DRICH1: variants seen among roughly 807,000 people sequenced by gnomAD.
DRICH1 encodes aspartate-rich protein 1.
In DRICH1, 38 loss-of-function variants were observed where a neutral mutation model predicts 39.5. The ratio of observed to expected loss-of-function variants is 0.96; its 90% confidence interval spans 0.74 to 1.26. The LOEUF is 1.26. DRICH1 is among the 50% of genes most tolerant of loss of function. The pLI, the probability that DRICH1 is intolerant of heterozygous loss-of-function variation, is 0.00. For missense variants in DRICH1, 279 were observed against 270.4 expected (o/e 1.03, Z -0.22); for synonymous variants, 84 against 99.5 (o/e 0.84, Z 0.93).
chr22:23,586,488 CAAAAG>C, the DRICH1 span, among the ~76,000 whole-genome samples: 2 of 152,146 alleles, frequency 1.3e-5, no homozygotes, highest in African/African-American at 4.8e-5. Flanking sequence ...GACCCTGTTT[CAAAAG>C]AAAACCAAAA....
At chr22:23,583,944 C>T in the DRICH1 span, 3 of 152,552 alleles carry the variant, frequency 2.0e-5, no homozygotes, top group Non-Finnish European at 2.9e-5. Flanking sequence ...CCCCAGGTCT[C>T]GGGAGAGGAA....
chr22:23,626,143 C>A (rs754581287), intron 1 of DRICH1, 95 bp from the exon 2 acceptor site: 2 of 829,318 alleles, frequency 2.4e-6, no homozygotes, highest in Non-Finnish European at 4.1e-6. Context: ...GAGCGTGGGA[C>A]TGAAGGTTCG....
At chr22:23,609,564 C>T (rs1326646605) in intron 11 of DRICH1, among the ~76,000 whole-genome samples, 3 of 152,114 alleles carry the variant, frequency 2.0e-5, no homozygotes, top group Non-Finnish European at 4.4e-5. Flanking sequence ...ACCAGGGGTA[C>T]ACCTGTTTGT....
chr22:23,632,132 C>T lies in DRICH1; in HGVS notation c.-109G>A. The T allele has an allele frequency of 6.6e-7, 1 of 1,520,640 alleles. No homozygotes were observed. The highest frequency in any genetic ancestry group is 8.8e-7 in the Non-Finnish European group (1 of 1,130,690). 94.2% of individuals were successfully genotyped at this position (1,520,640 alleles called of 1,614,324 possible). On this transcript the variant is annotated 5_prime_UTR_variant, in exon 1 of 12. Coordinates refer to ENST00000317749, the MANE Select transcript of DRICH1 (RefSeq NM_016449.4). ...GTGGCCCTGCACTTTTAGAAGCAGC[C>T]TGACCCCAGGCAGATCTGGGTCCTC...
At chr22:23,620,141 C>T (rs75939421) in intron 5 of DRICH1, among the ~76,000 whole-genome samples, 9,401 of 152,210 alleles carry the variant, frequency 0.062, 393 homozygotes, top group Non-Finnish European at 0.092. Flanking sequence ...ACATTAAACT[C>T]TGAAAAGAAC....
chr22:23,618,271 G>A (rs1206570661), intron 6 of DRICH1, among the ~76,000 whole-genome samples: 3 of 151,560 alleles, frequency 2.0e-5, no homozygotes, highest in Non-Finnish European at 4.4e-5. Context: ...CCACCACCAC[G>A]TCTGGCTAAT....
rs764210732 is a variant in DRICH1 at position 23,626,017 on chromosome 22, A to T, written c.240T>A (p.Phe80Leu). The T allele has an allele frequency of 6.2e-7, 1 of 1,613,570 alleles. No individual in the cohort carries two copies. Among genetic ancestry groups the T allele is most frequent in the South Asian group, 1.1e-5 (1 of 90,900 alleles). ...CATTGTCTTCCTCACTTGATGGCAG[A>T]AATTTTAAACTCAGGCGGTCCTCAG... ...GPPEDRLSLKFLPSSEEDNDD... is the reference protein window; with the variant it reads ...GPPEDRLSLKLLPSSEEDNDD... Residue 80 changes from phenylalanine to leucine, a missense_variant, in exon 2 of 12, where the codon TTT (phenylalanine) becomes TTA (leucine). Phe to Leu is a conservative substitution (Grantham distance 22, BLOSUM62 0). Transcript: ENST00000317749.
the DRICH1 span, among the ~76,000 whole-genome samples, chr22:23,602,753 A>G: frequency 2.6e-5 from 4 of 152,132 alleles, no homozygotes; most frequent in African/African-American, 9.7e-5. Flanking sequence ...TGATAGTTAC[A>G]TGAGTCAATG....
chr22:23,620,711 A>G, intron 4 of DRICH1, 96 bp from the exon 5 acceptor site: 1 of 1,429,126 alleles, frequency 7.0e-7, no homozygotes, highest in African/African-American at 1.4e-5. Flanking sequence ...TCAGAAAACT[A>G]GTTGTGAAAC....
chr22:23,614,882 C>T (rs1450770731), intron 8 of DRICH1, among the ~76,000 whole-genome samples: 1 of 152,184 alleles, frequency 6.6e-6, no homozygotes, highest in Non-Finnish European at 1.5e-5. Context: ...ACAGGCCAAG[C>T]CCACAGAGCC....
At chr22:23,624,169 G>A (rs1927926184) in intron 3 of DRICH1, 3 of 985,110 alleles carry the variant, frequency 3.0e-6, no homozygotes, top group South Asian at 4.7e-5. Flanking sequence ...TTCATAAGGT[G>A]AGGATCCATT....
intron 1 of DRICH1, among the ~76,000 whole-genome samples, chr22:23,630,089 C>G (rs1401355634): frequency 2.0e-5 from 3 of 152,214 alleles, no homozygotes; most frequent in Non-Finnish European, 2.9e-5. Flanking sequence ...TGTGAGCTGA[C>G]CAGAAGCCTG....
chr22:23,588,184 T>A, the DRICH1 span, among the ~76,000 whole-genome samples: 1 of 152,228 alleles, frequency 6.6e-6, no homozygotes, highest in Non-Finnish European at 1.5e-5. Flanking sequence ...TGGAATGCAG[T>A]GGTGCAATCT....
At chr22:23,607,598 A>G (rs1398455732), downstream of DRICH1, among the ~76,000 whole-genome samples, 2 of 151,730 alleles carry the variant, frequency 1.3e-5, no homozygotes, top group African/African-American at 4.8e-5. Context: ...GAGTCTCATT[A>G]GAGGCCCGGG....
At chr22:23,582,555 C>CTTATTAATTATTATTATTA in the DRICH1 span, among the ~76,000 whole-genome samples, 1 of 143,872 alleles carries the variant, frequency 7.0e-6, no homozygotes, top group Admixed American at 7.0e-5. Flanking sequence ...CCTTCAGGGG[C>CTTATTAATTATTATTATTA]TTATTATTAT....
intron 1 of DRICH1, among the ~76,000 whole-genome samples, chr22:23,626,557 A>G (rs1928075519): frequency 6.6e-6 from 1 of 152,180 alleles, no homozygotes; most frequent in South Asian, 2.1e-4. Context: ...ATCCTCCTAG[A>G]GTATCATTCT....
At chr22:23,605,180 G>A (rs2123749372), downstream of DRICH1, among the ~76,000 whole-genome samples, 1 of 152,166 alleles carries the variant, frequency 6.6e-6, no homozygotes, top group South Asian at 2.1e-4. Flanking sequence ...TGATGAACAG[G>A]CCATTGTGAC....
chr22:23,594,175 T>C, the DRICH1 span, among the ~76,000 whole-genome samples: 4 of 152,208 alleles, frequency 2.6e-5, no homozygotes, highest in South Asian at 8.3e-4. Context: ...AGCAGCTCAA[T>C]GAACTCCAAG....
At chr22:23,600,618 A>AT in the DRICH1 span, among the ~76,000 whole-genome samples, 1 of 146,868 alleles carries the variant, frequency 6.8e-6, no homozygotes, top group Non-Finnish European at 1.5e-5. Context: ...ACCCTCCCCT[A>AT]CCCTATGTCC....
Sources: gnomAD v4.1 joint callset for allele counts (sites outside exome capture counted in the v4.1 genomes callset) on GRCh38, gnomAD v4.1.1 for gene constraint, MANE v1.5 for transcripts, NCBI Gene and HGNC (gene_info 2026-07-23, HGNC 2026-07-21) for gene names.